LMBR1: variants seen among roughly 807,000 people sequenced by gnomAD.
The protein encoded by LMBR1 is limb region 1 protein homolog.
Under a neutral mutation model 73.9 loss-of-function variants are expected in LMBR1, and 52 were observed. The observed-to-expected ratio is 0.70, with a 90% CI of 0.56 to 0.89. LMBR1 has a LOEUF of 0.89. Among genes scored for constraint, LMBR1 ranks in the 40% least tolerant of loss-of-function variants. The pLI, the probability that LMBR1 is intolerant of heterozygous loss-of-function variation, is 0.00. For synonymous variants in LMBR1, 215 were observed against 209.4 expected (o/e 1.03, Z -0.23); for missense variants, 539 against 579.8 (o/e 0.93, Z 0.72).
At chr7:156,775,875 C>A (rs1379376189) in intron 5 of LMBR1, among the ~76,000 whole-genome samples, 1 of 151,736 alleles carries the variant, frequency 6.6e-6, no homozygotes, top group Non-Finnish European at 1.5e-5. Flanking sequence ...TGGTTAAGAG[C>A]CCCAATGCCA....
At chr7:156,868,891 G>A (rs1187510562) in intron 1 of LMBR1, among the ~76,000 whole-genome samples, 1 of 152,160 alleles carries the variant, frequency 6.6e-6, no homozygotes, top group Non-Finnish European at 1.5e-5. Context: ...CCTGAGCCCG[G>A]TAGGTCAAGG....
intron 12 of LMBR1, chr7:156,726,109 CT>C (rs1387660853): frequency 9.4e-6 from 3 of 319,918 alleles, no homozygotes; most frequent in Admixed American, 4.9e-5. Context: ...ATTATGCTTA[CT>C]GTTATAAAAT....
intron 1 of LMBR1, among the ~76,000 whole-genome samples, chr7:156,851,539 T>C (rs1376949553): frequency 6.6e-6 from 1 of 152,208 alleles, no homozygotes; most frequent in Non-Finnish European, 1.5e-5. Flanking sequence ...TGGACGACTA[T>C]ACACCAGATT....
At chr7:156,724,734 C>T (rs1815331772) in intron 14 of LMBR1, among the ~76,000 whole-genome samples, 1 of 150,454 alleles carries the variant, frequency 6.6e-6, no homozygotes, top group Non-Finnish European at 1.5e-5. Flanking sequence ...TACTAAATAT[C>T]TCAACTACTT....
downstream of LMBR1, among the ~76,000 whole-genome samples, chr7:156,673,906 TA>T (rs3030984): frequency 0.28 from 28,240 of 100,760 alleles, 2,791 homozygotes; most frequent in East Asian, 0.44. Flanking sequence ...TCCACATTAA[TA>T]AAAAAAAAAA....
chr7:156,792,071 A>C (rs946176064), intron 5 of LMBR1, among the ~76,000 whole-genome samples: 3 of 152,224 alleles, frequency 2.0e-5, no homozygotes, highest in African/African-American at 7.2e-5. Context: ...ACTACCATTT[A>C]AACACTGGCC....
At chr7:156,868,217 G>A (rs558518298) in intron 1 of LMBR1, among the ~76,000 whole-genome samples, 20 of 144,372 alleles carry the variant, frequency 1.4e-4, no homozygotes, top group Admixed American at 2.1e-4. Context: ...TTTTTGAGAC[G>A]ACGTCTCACT....
At chr7:156,849,349 G>T (rs944128211) in intron 1 of LMBR1, among the ~76,000 whole-genome samples, 1 of 152,112 alleles carries the variant, frequency 6.6e-6, no homozygotes, top group African/African-American at 2.4e-5. Context: ...AGACATCAGG[G>T]TCTACTTGAG....
intron 14 of LMBR1, among the ~76,000 whole-genome samples, chr7:156,724,936 G>A (rs535317944): frequency 2.6e-5 from 4 of 152,136 alleles, no homozygotes; most frequent in South Asian, 2.1e-4. Context: ...CACTATATAC[G>A]GCAACAGCCT....
intron 10 of LMBR1, among the ~76,000 whole-genome samples, chr7:156,733,032 C>T (rs142846959): frequency 6.1e-4 from 93 of 152,250 alleles, no homozygotes; most frequent in African/African-American, 2.1e-3. Flanking sequence ...GTGGTCCCAG[C>T]TACTCAGGAG....
At chr7:156,809,527 T>C (rs940425349) in intron 4 of LMBR1, among the ~76,000 whole-genome samples, 4 of 152,224 alleles carry the variant, frequency 2.6e-5, no homozygotes, top group African/African-American at 9.7e-5. Flanking sequence ...TAATACAGTG[T>C]AAATCTATGT....
At chr7:156,890,330 T>G (rs1443185929) in intron 1 of LMBR1, among the ~76,000 whole-genome samples, 1 of 147,188 alleles carries the variant, frequency 6.8e-6, no homozygotes, top group Non-Finnish European at 1.5e-5. Flanking sequence ...TTTTAATAAA[T>G]TGAACTATAT....
intron 1 of LMBR1, among the ~76,000 whole-genome samples, chr7:156,854,635 C>G (rs1328486321): frequency 6.6e-6 from 1 of 152,178 alleles, no homozygotes; most frequent in Non-Finnish European, 1.5e-5. Flanking sequence ...AGACACCCAG[C>G]TTCAGCCCCC....
intron 1 of LMBR1, among the ~76,000 whole-genome samples, chr7:156,851,332 T>C (rs1046332022): frequency 2.6e-5 from 4 of 151,810 alleles, no homozygotes; most frequent in African/African-American, 9.7e-5. Context: ...TCATAATAAA[T>C]TGCCCTGTGT....
chr7:156,832,630 C>A (rs1377719663), intron 3 of LMBR1, among the ~76,000 whole-genome samples: 1 of 152,180 alleles, frequency 6.6e-6, no homozygotes, highest in Non-Finnish European at 1.5e-5. Flanking sequence ...TCTTTTACAG[C>A]TGAATACTAT....
chr7:156,859,605 A>C (rs1484351688), intron 1 of LMBR1, among the ~76,000 whole-genome samples: 1 of 152,148 alleles, frequency 6.6e-6, no homozygotes, highest in African/African-American at 2.4e-5. Flanking sequence ...TAGCAGCCCC[A>C]AAAAAGAATT....
At chr7:156,745,920 G>C (rs1041634673) in intron 9 of LMBR1, among the ~76,000 whole-genome samples, 3 of 152,188 alleles carry the variant, frequency 2.0e-5, no homozygotes, top group Non-Finnish European at 4.4e-5. Flanking sequence ...ATATATTTAT[G>C]AGAGGAGGGA....
chr7:156,755,118 C>T (rs913676918), intron 9 of LMBR1, among the ~76,000 whole-genome samples: 1 of 152,178 alleles, frequency 6.6e-6, no homozygotes, highest in South Asian at 2.1e-4. Context: ...AGGTCCAATC[C>T]ATCTCTTCTC....
intron 1 of LMBR1, among the ~76,000 whole-genome samples, chr7:156,867,942 T>C (rs1042453203): frequency 9.2e-5 from 14 of 151,848 alleles, no homozygotes; most frequent in Non-Finnish European, 1.3e-4. Flanking sequence ...TAAAACTGTT[T>C]CAAAAAAAAA....
Sources: gnomAD v4.1 joint callset for allele counts (sites outside exome capture counted in the v4.1 genomes callset) on GRCh38, gnomAD v4.1.1 for gene constraint, MANE v1.5 for transcripts, NCBI Gene and HGNC (gene_info 2026-07-23, HGNC 2026-07-21) for gene names.